The following AP2A2 variants were observed in gnomAD, a reference collection of about 807,000 sequenced individuals.
AP2A2 encodes the protein adaptor related protein complex 2 subunit alpha 2.
Under a neutral mutation model 104.2 loss-of-function variants are expected in AP2A2, and 32 were observed. The observed-to-expected ratio is 0.31, with a 90% confidence interval of 0.23 to 0.41. AP2A2 has a LOEUF of 0.41. Among genes scored for constraint, AP2A2 ranks in the 10% least tolerant of loss-of-function variants. AP2A2 has a pLI of 1.00. For synonymous variants in AP2A2, 539 were observed against 533.3 expected (o/e 1.01, Z -0.15); for missense variants, 912 against 1,261.0 (o/e 0.72, Z 4.19).
In AP2A2 at chr11:939,476, G is replaced by A. The variant is rs11246348; in HGVS notation, c.67+13388G>A. Among the ~76,000 whole-genome samples, 10 of 151,690 alleles carry A rather than the reference G, an allele frequency of 6.6e-5. No individual in the cohort carries two copies. The South Asian group carries it at 1.5e-3, about 22-fold the overall frequency. On this transcript the variant is annotated intron_variant, in intron 1 of 21. Transcript: ENST00000448903. ...TTGACTTTTTTTGAGACGGGGTTTCGCTCTGTTGCCCAGGCTGGAGTACAG... is the reference window on the plus strand; with the variant it reads ...TTGACTTTTTTTGAGACGGGGTTTCACTCTGTTGCCCAGGCTGGAGTACAG...
rs182304082 is a variant in AP2A2, at chr11:939,035, C to T, written c.67+12947C>T. On this transcript the variant is annotated intron_variant, in intron 1 of 21. Coordinates refer to ENST00000448903, the MANE Select transcript of AP2A2 (RefSeq NM_012305.4). ...TTGGGAGGCCGAGGCGGGTGGATCA[C>T]GAGGTCAGGAGTTTGAGACCAGCCT... Among the ~76,000 whole-genome samples, 69 of 151,802 alleles carry T rather than the reference C, an allele frequency of 4.5e-4. 1 individual carries two copies. Among genetic ancestry groups the T allele is most frequent in the Non-Finnish European group, 8.1e-4 (55 of 67,938 alleles).
chr11:938,450 G>A (rs898728628), intron 1 of AP2A2, among the ~76,000 whole-genome samples: 1 of 151,172 alleles, frequency 6.6e-6, no homozygotes, highest in Non-Finnish European at 1.5e-5. Context: ...GCAATGCATC[G>A]TCAACTGTAT....
At chr11:975,401 G>T (rs1854989469) in intron 4 of AP2A2, among the ~76,000 whole-genome samples, 2 of 150,172 alleles carry the variant, frequency 1.3e-5, no homozygotes, top group African/African-American at 2.5e-5. Context: ...GTGAGTAGCA[G>T]TGGGGTCCTC....
In AP2A2 at chr11:993,619, G is replaced by A; in HGVS notation, c.1551-135G>A. On this transcript the variant is annotated intron_variant, in intron 12 of 21. Transcript: ENST00000448903. This position sits in a 1 kb window ranked among gnomAD's most constrained non-coding sequence, Gnocchi z 8.2. Reference sequence around the variant, plus strand: ...AAGGGGCGTCTTTGCGGTGGGATCTGGAGCTGGAAGAGGGTCCCGACCAGC... The same window carrying A: ...AAGGGGCGTCTTTGCGGTGGGATCTAGAGCTGGAAGAGGGTCCCGACCAGC... The A allele has an allele frequency of 1.4e-6, 1 of 698,144 alleles. No homozygotes were observed. Among genetic ancestry groups the A allele is most frequent in the South Asian group, 1.9e-5 (1 of 53,386 alleles). The allele number at this position is 698,144 out of a possible 1,614,324, so 43.2% of individuals were successfully genotyped here. A position where few individuals can be genotyped will look rare whatever the true frequency, so the allele number is the denominator to read the frequency against.
chr11:952,967 C>T (rs765996957), intron 1 of AP2A2, among the ~76,000 whole-genome samples: 2 of 152,198 alleles, frequency 1.3e-5, no homozygotes, highest in African/African-American at 2.4e-5. Flanking sequence ...TGCTCCTTTA[C>T]AGGAGAGCCC....
chr11:980,112 G>A (rs1196912779), intron 5 of AP2A2, among the ~76,000 whole-genome samples: 1 of 18,760 alleles, frequency 5.3e-5, no homozygotes, highest in Non-Finnish European at 1.0e-4. Context: ...GCCCGGTGCC[G>A]TGTCCTGGAG....
chr11:934,723 T>A (rs1029116919), intron 1 of AP2A2, among the ~76,000 whole-genome samples: 5 of 152,188 alleles, frequency 3.3e-5, no homozygotes, highest in South Asian at 2.1e-4. Flanking sequence ...TGAGGATTAG[T>A]TATTTAGCAT....
At position 977,171 on chromosome 11, in the gene AP2A2, C is replaced by G. The variant is rs371169279; in HGVS notation, c.550C>G (p.Pro184Ala). ...GTACAGGACGTCCCCCGATCTTGTC[C>G]CCATGGGCGACTGGACATCCCGAGT... is the stretch of plus-strand genomic sequence containing the variant. ...RLYRTSPDLV[P>A]MGDWTSRVVH... The change falls in exon 5 of 22, where the codon CCC (proline) becomes GCC (alanine). Residue 184 changes from proline to alanine, a missense_variant. This residue lies in a region of AP2A2 where 350 missense variants were observed against 487.0 expected (regional missense o/e 0.72). Coordinates refer to ENST00000448903, the MANE Select transcript of AP2A2 (RefSeq NM_012305.4). 6.8e-6 allele frequency: 11 copies of G among 1,612,612 alleles called. No homozygotes were observed. The African/African-American group carries it at 1.5e-4, about 22-fold the overall frequency.
chr11:950,333 A>ATC lies in AP2A2; in HGVS notation c.68-9104_68-9103insTC, dbSNP rs1854010197. Among the ~76,000 whole-genome samples, 4 of 143,936 alleles carry ATC rather than the reference A, an allele frequency of 2.8e-5. 1 individual carries two copies. In the South Asian group the frequency reaches 8.7e-4, roughly 31 times the overall value. The allele number at this position is 143,936 out of a possible 152,430, so 94.4% of individuals were successfully genotyped here. On this transcript the variant is annotated intron_variant, in intron 1 of 21. Coordinates refer to ENST00000448903, the MANE Select transcript of AP2A2 (RefSeq NM_012305.4). ...ATGGTTTTTTTTTTTTTTTTTTGACAGAGTTTCGCTCTGTCACCAGGCTGG... is the reference window on the plus strand; with the variant it reads ...ATGGTTTTTTTTTTTTTTTTTTGACATCGAGTTTCGCTCTGTCACCAGGCTGG...
rs112511283 is a variant in AP2A2 at position 993,684 on chromosome 11, C to A, written c.1551-70C>A. The A allele has an allele frequency of 0.15, 191,605 of 1,249,948 alleles. 16,721 individuals carry two copies. The highest frequency in any genetic ancestry group is 0.17 in the Non-Finnish European group (155,144 of 898,540). The allele number at this position is 1,249,948 out of a possible 1,614,324, so 77.4% of individuals were successfully genotyped here. On this transcript the variant is annotated intron_variant, in intron 12 of 21. Transcript: ENST00000448903. The surrounding 1 kb of genome is among the most constrained non-coding windows in gnomAD (Gnocchi z 8.2). ...GCCAGGGGGTCTCGCCGCCGTCCCC[C>A]CCCCGCGGGGGCGTGCTGCAGCCTG...
chr11:947,164 C>A (rs528424101), intron 1 of AP2A2, among the ~76,000 whole-genome samples: 5 of 152,070 alleles, frequency 3.3e-5, no homozygotes, highest in Non-Finnish European at 7.4e-5. Context: ...ACTCCCGCCA[C>A]CAGGCCCAGC....
At chr11:959,537 C>G in intron 2 of AP2A2, 32 bp downstream of exon 2, 1 of 1,419,272 alleles carries the variant, frequency 7.0e-7, no homozygotes, top group Non-Finnish European at 9.8e-7. Context: ...CATGAAATGT[C>G]CTGTTGTAAA....
At chr11:958,736 C>G (rs1313386503) in intron 1 of AP2A2, among the ~76,000 whole-genome samples, 3 of 152,110 alleles carry the variant, frequency 2.0e-5, no homozygotes, top group Admixed American at 2.0e-4. Flanking sequence ...GAGGGCCCAC[C>G]TCATGACCCC....
At chr11:938,043 C>G (rs897922662) in intron 1 of AP2A2, among the ~76,000 whole-genome samples, 1 of 152,232 alleles carries the variant, frequency 6.6e-6, no homozygotes, top group African/African-American at 2.4e-5. Flanking sequence ...CATTTAAAAA[C>G]AAGAAACAAA....
rs140858003 is a variant in AP2A2, at chr11:940,357, T to C, written c.67+14269T>C. Among the ~76,000 whole-genome samples, 15 of 152,348 alleles carry C rather than the reference T, an allele frequency of 9.8e-5. No homozygotes were observed. In the East Asian group the frequency reaches 2.7e-3, roughly 27 times the overall value. ...GCTCTAGTGGAAAATATTCTTGTTG[T>C]ATTTTGTTGCTAACCTCTTCTGTTT... On this transcript the variant is annotated intron_variant, in intron 1 of 21. Coordinates refer to ENST00000448903, the MANE Select transcript of AP2A2 (RefSeq NM_012305.4).
chr11:936,359 A>G (rs1564780372), intron 1 of AP2A2, among the ~76,000 whole-genome samples: 2 of 151,494 alleles, frequency 1.3e-5, no homozygotes, highest in Non-Finnish European at 2.9e-5. Context: ...CCTACAGGAC[A>G]TGCCACCACA....
At chr11:997,303 TG>T (rs893534299) in intron 14 of AP2A2, among the ~76,000 whole-genome samples, 3 of 152,114 alleles carry the variant, frequency 2.0e-5, no homozygotes, top group African/African-American at 7.2e-5. Flanking sequence ...CACAGGGGTG[TG>T]GGGATCAGAG....
At chr11:957,770 T>A (rs189021736) in intron 1 of AP2A2, among the ~76,000 whole-genome samples, 1 of 152,242 alleles carries the variant, frequency 6.6e-6, no homozygotes, top group Non-Finnish European at 1.5e-5. Flanking sequence ...TCGTAATCCC[T>A]CCTAGCTTCA....
Position 926,007 on chromosome 11 carries a change from C to G in AP2A2, c.-15C>G. On this transcript the variant is annotated 5_prime_UTR_variant, in exon 1 of 22. Transcript: ENST00000448903. ...CCCGGGTCCGCCAGCCGAGGCCGCT[C>G]CCGAGCGTCGGAAGATGCCGGCCGT... 1 of 1,403,834 alleles carries G rather than the reference C, an allele frequency of 7.1e-7. No individual in the cohort carries two copies. Among genetic ancestry groups the G allele is most frequent in the South Asian group, 1.5e-5 (1 of 67,512 alleles). The allele number at this position is 1,403,834 out of a possible 1,614,324, so 87.0% of individuals were successfully genotyped here. A position where few individuals can be genotyped will look rare whatever the true frequency, so the allele number is the denominator to read the frequency against.
Sources: allele counts gnomAD v4.1 joint callset (sites outside exome capture counted in the v4.1 genomes callset), GRCh38; gene constraint gnomAD v4.1.1; regional missense constraint gnomAD v4.1.1; non-coding constraint Gnocchi (gnomAD v3.1); transcripts MANE v1.5; gene names NCBI Gene and HGNC (gene_info 2026-07-23, HGNC 2026-07-21).